Variants in ARFGEF2 observed in about 807,000 individuals in gnomAD.
ARFGEF2 encodes ARF guanine nucleotide exchange factor 2, also known as brefeldin A-inhibited guanine nucleotide-exchange protein 2.
Under a neutral mutation model 219.9 loss-of-function variants are expected in ARFGEF2, and 74 were observed. The observed-to-expected ratio is 0.34, with a 90% CI of 0.28 to 0.41. The LOEUF (loss-of-function observed/expected upper bound fraction) is 0.41. Ranked by LOEUF, ARFGEF2 falls within the 10% of genes least tolerant of loss-of-function variation. ARFGEF2 has a pLI of 1.00. For missense variants in ARFGEF2, 1,743 were observed against 2,218.3 expected (o/e 0.79, Z 4.30); for synonymous variants, 733 against 799.2 (o/e 0.92, Z 1.40).
chr20:48,958,511 A>G (rs1053634457), intron 6 of ARFGEF2, among the ~76,000 whole-genome samples: 1 of 149,922 alleles, frequency 6.7e-6, no homozygotes, highest in Non-Finnish European at 1.5e-5. Flanking sequence ...ATCTCGGCTC[A>G]CTGCAAGCTC....
chr20:48,973,004 C>T (rs2091237873), intron 11 of ARFGEF2, 141 bp from the exon 12 acceptor site: 4 of 905,574 alleles, frequency 4.4e-6, no homozygotes, highest in Non-Finnish European at 5.3e-6. Flanking sequence ...CCTAGTACTT[C>T]CAACATGTGT....
At chr20:48,936,860 G>T (rs1021054343) in intron 1 of ARFGEF2, among the ~76,000 whole-genome samples, 4 of 152,000 alleles carry the variant, frequency 2.6e-5, no homozygotes, top group African/African-American at 9.7e-5. Flanking sequence ...CAGAGATGAT[G>T]AGCTGTTTTT....
intron 8 of ARFGEF2, among the ~76,000 whole-genome samples, chr20:48,968,293 A>C (rs2091202939): frequency 6.6e-6 from 1 of 151,754 alleles, no homozygotes; most frequent in South Asian, 2.1e-4. Flanking sequence ...GTGCCTGGCC[A>C]AAAAATTTTA....
At chr20:49,024,489 A>G (rs1271718314) in intron 35 of ARFGEF2, among the ~76,000 whole-genome samples, 4 of 152,162 alleles carry the variant, frequency 2.6e-5, no homozygotes, top group East Asian at 1.9e-4. Context: ...TTACCATCCA[A>G]GTGGGTTAAG....
chr20:48,982,180 T>C (rs1324271476), intron 14 of ARFGEF2, among the ~76,000 whole-genome samples: 1 of 152,204 alleles, frequency 6.6e-6, no homozygotes, highest in Non-Finnish European at 1.5e-5. Context: ...GTGGATGTCA[T>C]TTTATTTGTT....
intron 8 of ARFGEF2, among the ~76,000 whole-genome samples, chr20:48,966,844 TTTG>T (rs2091190854): frequency 6.6e-6 from 1 of 152,006 alleles, no homozygotes; most frequent in Admixed American, 6.6e-5. Context: ...ATAATAAGGG[TTTG>T]TTGTTCTTGT....
chr20:49,022,362 A>G (rs2091570467), intron 34 of ARFGEF2, among the ~76,000 whole-genome samples: 1 of 151,746 alleles, frequency 6.6e-6, no homozygotes, highest in African/African-American at 2.4e-5. Context: ...GTGGCACAGG[A>G]GTTCAAGACC....
intron 34 of ARFGEF2, among the ~76,000 whole-genome samples, chr20:49,022,573 C>T (rs1048662060): frequency 1.3e-5 from 2 of 152,210 alleles, no homozygotes; most frequent in Admixed American, 1.3e-4. Context: ...CTGGAGGACA[C>T]AGAACCTGCA....
chr20:49,010,360 G>C lies in ARFGEF2; in HGVS notation c.3713G>C (p.Gly1238Ala), dbSNP rs750162391. Residue 1238 changes from glycine to alanine, a missense_variant, in exon 27 of 39, where the codon GGG (glycine) becomes GCG (alanine). Transcript: ENST00000371917. The part of the protein sequence containing the change: ...VFHQAASDHD[G>A]NIVELAFQTT... ...CACCAGGCAGCCTCTGATCATGATG[G>C]GAACATTGTGGAGCTGGCCTTCCAG... 13 of 1,614,032 alleles carry C rather than the reference G, an allele frequency of 8.1e-6. No homozygotes were observed. In the South Asian group the frequency reaches 1.3e-4, roughly 16 times the overall value.
At position 48,921,817 on chromosome 20, in the gene ARFGEF2, G is replaced by T; in HGVS notation, c.-73G>T. On this transcript the variant is annotated 5_prime_UTR_variant, in exon 1 of 39. Transcript: ENST00000371917. ...CGGCCGGTGCCGGCCGGGACGCCGG[G>T]CCCGCAGCCTAGCTCGCCATCTCGC... 7.7e-7 allele frequency: 1 copy of T among 1,295,530 alleles called. No homozygotes were observed. The highest frequency in any genetic ancestry group is 2.1e-5 in the South Asian group (1 of 46,706). The allele number at this position is 1,295,530 out of a possible 1,614,324, so 80.3% of individuals were successfully genotyped here.
rs2091660697 is a variant in ARFGEF2, at chr20:49,035,353, A to G, written c.*2154A>G. On this transcript the variant is annotated 3_prime_UTR_variant, in exon 39 of 39. Transcript: ENST00000371917. ...TGAAACATTCAGGCTTACATTTCTT[A>G]TTAGTTTAGTATTTTAAAAGATTTA... is the stretch of plus-strand genomic sequence containing the variant. 6.6e-6 allele frequency: 1 copy of G among 152,124 alleles called. No homozygotes were observed. The highest frequency in any genetic ancestry group is 1.5e-5 in the Non-Finnish European group (1 of 68,008). 9.4% of individuals were successfully genotyped at this position (152,124 alleles called of 1,614,324 possible).
rs1402821056 is a variant in ARFGEF2, at chr20:49,005,152, G to T, written c.3515G>T (p.Gly1172Val). 2 of 1,614,192 alleles carry T rather than the reference G, an allele frequency of 1.2e-6. No homozygotes were observed. The highest frequency in any genetic ancestry group is 8.5e-7 in the Non-Finnish European group (1 of 1,180,038). The change falls in exon 26 of 39, where the codon GGT becomes GTT. Residue 1172 changes from glycine (G) to valine (V), a missense_variant. Coordinates refer to ENST00000371917, the MANE Select transcript of ARFGEF2 (RefSeq NM_006420.3). ...RQLSMKFLEKGELANFRFQKD... is the reference protein window; with the variant it reads ...RQLSMKFLEKVELANFRFQKD... ...CTCTCCATGAAGTTTCTTGAGAAGGGTGAATTAGCCAACTTCCGTTTCCAG... is the reference window on the plus strand; with the variant it reads ...CTCTCCATGAAGTTTCTTGAGAAGGTTGAATTAGCCAACTTCCGTTTCCAG...
chr20:49,002,111 G>A (rs1249039510), intron 25 of ARFGEF2, among the ~76,000 whole-genome samples: 4 of 152,112 alleles, frequency 2.6e-5, no homozygotes, highest in African/African-American at 9.7e-5. Context: ...GGTAGTGGAC[G>A]CCTGTAATCC....
At chr20:49,017,122 C>A in intron 31 of ARFGEF2, 127 bp from the exon 32 acceptor site, 1 of 912,752 alleles carries the variant, frequency 1.1e-6, no homozygotes, top group Non-Finnish European at 1.7e-6. Context: ...TGTAGCATGG[C>A]TTCATTAATT....
At chr20:48,948,057 T>A (rs1266457406) in intron 3 of ARFGEF2, among the ~76,000 whole-genome samples, 1 of 152,222 alleles carries the variant, frequency 6.6e-6, no homozygotes, top group Admixed American at 6.5e-5. Flanking sequence ...AGAAAACTTT[T>A]GATTTTTTAA....
rs1285354901 is a variant in ARFGEF2, at chr20:48,922,153, C to T, written c.121+143C>T. 9.8e-6 allele frequency: 13 copies of T among 1,327,702 alleles called. No individual in the cohort carries two copies. The Admixed American group carries it at 2.0e-4, about 21-fold the overall frequency. 82.2% of individuals were successfully genotyped at this position (1,327,702 alleles called of 1,614,324 possible). ...CCCTTCCGGCCTCCTCCTCATTATA[C>T]CCCCGGAGGAAGTGTTGCCCGGGCA... On this transcript the variant is annotated intron_variant, in intron 1 of 38. Coordinates refer to ENST00000371917, the MANE Select transcript of ARFGEF2 (RefSeq NM_006420.3).
rs943293572 is a variant in ARFGEF2 at position 48,968,239 on chromosome 20, C to T, written c.1060-908C>T. Among the ~76,000 whole-genome samples, 5 of 152,228 alleles carry T rather than the reference C, an allele frequency of 3.3e-5. No homozygotes were observed. The East Asian group carries it at 5.8e-4, about 18-fold the overall frequency. ...CGATCTCCTGACCTCGTGATTCGCC[C>T]GCCTCAGCCTCCCAAAGTGCTGGGA... On this transcript the variant is annotated intron_variant, in intron 8 of 38. Coordinates refer to ENST00000371917, the MANE Select transcript of ARFGEF2 (RefSeq NM_006420.3).
At chr20:48,955,901 G>A (rs2091102627) in intron 6 of ARFGEF2, among the ~76,000 whole-genome samples, 1 of 151,852 alleles carries the variant, frequency 6.6e-6, no homozygotes, top group Non-Finnish European at 1.5e-5. Context: ...AATAGCCTCT[G>A]TGCTCCAGCC....
Position 48,952,776 on chromosome 20 carries a change from A to G in ARFGEF2, c.495A>G (p.Thr165=), listed in dbSNP as rs553918390. 1 of 1,614,216 alleles carries G rather than the reference A, an allele frequency of 6.2e-7. No homozygotes were observed. The highest frequency in any genetic ancestry group is 1.7e-5 in the Admixed American group (1 of 60,022). Residue 165 remains threonine, a synonymous_variant, in exon 5 of 39, where the codon ACA becomes ACG. Coordinates refer to ENST00000371917, the MANE Select transcript of ARFGEF2 (RefSeq NM_006420.3). The part of the protein sequence containing the change: ...HEGTILQTVR[T]CYNIYLASKN... ...GTACTATCCTGCAGACAGTGAGAAC[A>G]TGTTACAATATCTATTTGGCCAGCA...
Sources: gnomAD v4.1 joint callset for allele counts (sites outside exome capture counted in the v4.1 genomes callset) on GRCh38, gnomAD v4.1.1 for gene constraint, MANE v1.5 for transcripts, NCBI Gene and HGNC (gene_info 2026-07-23, HGNC 2026-07-21) for gene names.